Variants in NALF1 observed in about 807,000 individuals in gnomAD.
NALF1 encodes the protein family with sequence similarity 155 member A.
In NALF1, 3 loss-of-function variants were observed where a neutral mutation model predicts 48.4. The ratio of observed to expected loss-of-function variants is 0.06; its 90% CI spans 0.03 to 0.16. The LOEUF is 0.16. Ranked by LOEUF, NALF1 falls within the 10% of genes least tolerant of loss-of-function variation. The probability of loss-of-function intolerance (pLI) is 1.00; values close to 1 mark genes in which losing one functional copy is unlikely to be tolerated. For synonymous variants in NALF1, 262 were observed against 245.7 expected, an observed-to-expected ratio of 1.07 and a Z score of -0.62; for missense variants, 526 against 571.5, an observed-to-expected ratio of 0.92 and a Z score of 0.81.
intron 1 of NALF1, among the ~76,000 whole-genome samples, chr13:107,852,724 G>A (rs1351665693): frequency 1.3e-5 from 2 of 152,030 alleles, no homozygotes; most frequent in Non-Finnish European, 2.9e-5. Context: ...AGGTTGAAAA[G>A]CCCCTTGGAA....
At chr13:107,865,054 C>T (rs1303011945) in intron 1 of NALF1, among the ~76,000 whole-genome samples, 1 of 152,160 alleles carries the variant, frequency 6.6e-6, no homozygotes, top group Non-Finnish European at 1.5e-5. Flanking sequence ...TAGTGAGTCC[C>T]AGATCAATAA....
At chr13:107,269,180 G>T (rs1219121836) in intron 1 of NALF1, among the ~76,000 whole-genome samples, 1 of 148,072 alleles carries the variant, frequency 6.8e-6, no homozygotes, top group Non-Finnish European at 1.5e-5. Flanking sequence ...AAAAAAAAAA[G>T]AATTTAAAAA....
At chr13:107,250,091 G>GTT (rs36112310) in intron 1 of NALF1, among the ~76,000 whole-genome samples, 23,029 of 145,880 alleles carry the variant, frequency 0.16, 2,061 homozygotes, top group Non-Finnish European at 0.21. Flanking sequence ...AGCCACTGGT[G>GTT]TTTTTTTTTT....
chr13:107,704,721 A>C (rs541504141), intron 1 of NALF1, among the ~76,000 whole-genome samples: 2 of 152,208 alleles, frequency 1.3e-5, no homozygotes, highest in Non-Finnish European at 2.9e-5. Flanking sequence ...ATAAGAGGAC[A>C]GGGAACCCCA....
intron 1 of NALF1, among the ~76,000 whole-genome samples, chr13:107,479,186 G>T (rs1318197707): frequency 2.0e-5 from 3 of 152,048 alleles, no homozygotes; most frequent in Non-Finnish European, 4.4e-5. Context: ...CTCTCTCCCT[G>T]CCCAGACACT....
At chr13:107,783,783 T>A (rs1877993582) in intron 1 of NALF1, among the ~76,000 whole-genome samples, 1 of 151,176 alleles carries the variant, frequency 6.6e-6, no homozygotes, top group Non-Finnish European at 1.5e-5. Context: ...CACTTGTTTA[T>A]CTGCTGACCT....
At chr13:107,816,530 A>G (rs1879168144) in intron 1 of NALF1, among the ~76,000 whole-genome samples, 1 of 152,174 alleles carries the variant, frequency 6.6e-6, no homozygotes, top group Admixed American at 6.5e-5. Flanking sequence ...AATCAGCCCC[A>G]CGATTCAATT....
At chr13:107,313,776 C>A (rs774480807) in intron 1 of NALF1, among the ~76,000 whole-genome samples, 73 of 152,156 alleles carry the variant, frequency 4.8e-4, no homozygotes, top group Non-Finnish European at 8.5e-4. Flanking sequence ...ATCAATGACT[C>A]AAAAGAATGC....
chr13:107,560,580 T>A (rs1266835961), intron 1 of NALF1, among the ~76,000 whole-genome samples: 1 of 152,194 alleles, frequency 6.6e-6, no homozygotes, highest in East Asian at 1.9e-4. Context: ...CATTGTCATT[T>A]TAAATGGAGA....
At chr13:107,397,076 G>A (rs889627900) in intron 1 of NALF1, among the ~76,000 whole-genome samples, 7 of 152,186 alleles carry the variant, frequency 4.6e-5, no homozygotes, top group Non-Finnish European at 8.8e-5. Flanking sequence ...AGGGATCCAA[G>A]GTCTGGTTGG....
chr13:107,574,831 G>A (rs948555726), intron 1 of NALF1, among the ~76,000 whole-genome samples: 1 of 152,090 alleles, frequency 6.6e-6, no homozygotes, highest in Non-Finnish European at 1.5e-5. Flanking sequence ...ATTACAAATG[G>A]AAACTTGACT....
rs1220882112 is a variant in NALF1 at position 107,362,029 on chromosome 13, T to C, written c.916-151274A>G. Among the ~76,000 whole-genome samples, 2 of 152,140 alleles carry C rather than the reference T, an allele frequency of 1.3e-5. No homozygotes were observed. The highest frequency in any genetic ancestry group is 2.9e-5 in the Non-Finnish European group (2 of 68,028). On this transcript the variant is annotated intron_variant, in intron 1 of 2. Transcript: ENST00000375915. The surrounding 1 kb of genome is among the most constrained non-coding windows in gnomAD (Gnocchi z 4.6). ...TGGGATGGCACCATCATAAACTGGG[T>C]CCCTGAGAAACTAGTAAACAGAAGT...
At chr13:107,218,419 T>C (rs554164126) in intron 1 of NALF1, among the ~76,000 whole-genome samples, 1 of 152,298 alleles carries the variant, frequency 6.6e-6, no homozygotes, top group East Asian at 1.9e-4. Context: ...CACTGGAAAC[T>C]AGTAACATGG....
intron 1 of NALF1, among the ~76,000 whole-genome samples, chr13:107,518,443 A>G (rs889549513): frequency 6.6e-6 from 1 of 152,080 alleles, no homozygotes; most frequent in Non-Finnish European, 1.5e-5. Context: ...TAATACATGT[A>G]CTTAAAAAGA....
At chr13:107,467,321 C>CTAAGAGACTAAGGTTA (rs1566354416) in intron 1 of NALF1, among the ~76,000 whole-genome samples, 1 of 151,328 alleles carries the variant, frequency 6.6e-6, no homozygotes, top group Non-Finnish European at 1.5e-5. Context: ...TAGATATATA[C>CTAAGAGACTAAGGTTA]TTTCATTACT....
intron 1 of NALF1, among the ~76,000 whole-genome samples, chr13:107,241,892 T>A (rs1217189882): frequency 1.3e-5 from 2 of 152,128 alleles, no homozygotes; most frequent in Non-Finnish European, 2.9e-5. Flanking sequence ...CCCTTCCTCC[T>A]GGAAGACATA....
At chr13:107,431,388 C>T (rs922858827) in intron 1 of NALF1, among the ~76,000 whole-genome samples, 2 of 152,174 alleles carry the variant, frequency 1.3e-5, no homozygotes, top group Admixed American at 1.3e-4. Context: ...AACACACACA[C>T]ACACATGCGC....
At chr13:107,204,061 G>A (rs956638448) in intron 2 of NALF1, among the ~76,000 whole-genome samples, 3 of 141,704 alleles carry the variant, frequency 2.1e-5, no homozygotes, top group Non-Finnish European at 3.0e-5. Flanking sequence ...AGAGAGGGGC[G>A]CCCACAAGCT....
intron 1 of NALF1, among the ~76,000 whole-genome samples, chr13:107,673,341 G>T (rs1881035820): frequency 6.6e-6 from 1 of 152,136 alleles, no homozygotes; most frequent in Admixed American, 6.5e-5. Context: ...TATAGCCAGG[G>T]ATTGGAGCTT....
Sources: gnomAD v4.1 joint callset for allele counts (sites outside exome capture counted in the v4.1 genomes callset) on GRCh38, gnomAD v4.1.1 for gene constraint, Gnocchi (gnomAD v3.1) non-coding constraint, MANE v1.5 for transcripts, NCBI Gene and HGNC (gene_info 2026-07-23, HGNC 2026-07-21) for gene names.